The following ZNF451 variants were observed in gnomAD, a reference collection of about 807,000 sequenced individuals.
ZNF451 encodes E3 SUMO-protein ligase ZNF451.
In ZNF451, 80 loss-of-function variants were observed where a neutral mutation model predicts 107.1. That is an observed-to-expected ratio of 0.75 (90% CI 0.62 to 0.90). The LOEUF (loss-of-function observed/expected upper bound fraction) is 0.90. Ranked by LOEUF, ZNF451 falls within the 40% of genes least tolerant of loss-of-function variation. The pLI, the probability that ZNF451 is intolerant of heterozygous loss-of-function variation, is 0.00. For missense variants in ZNF451, 1,107 were observed against 1,236.2 expected (o/e 0.90, Z 1.57); for synonymous variants, 362 against 406.5 (o/e 0.89, Z 1.32).
intron 9 of ZNF451, among the ~76,000 whole-genome samples, chr6:57,145,435 C>T (rs1161987020): frequency 6.6e-6 from 1 of 152,070 alleles, no homozygotes; most frequent in Non-Finnish European, 1.5e-5. Flanking sequence ...GGTTATTTTC[C>T]AACCCTCACC....
At chr6:57,108,301 A>C in intron 3 of ZNF451, 1 of 985,374 alleles carries the variant, frequency 1.0e-6, no homozygotes. Context: ...TGGCTCTATC[A>C]CAGCATTTAC....
intron 3 of ZNF451, among the ~76,000 whole-genome samples, chr6:57,123,716 T>G (rs1830758489): frequency 6.6e-6 from 1 of 152,156 alleles, no homozygotes; most frequent in Admixed American, 6.5e-5. Flanking sequence ...AGTTTTGTAG[T>G]TTTCTTCATA....
At chr6:57,161,995 A>G in intron 14 of ZNF451, among the ~76,000 whole-genome samples, 1 of 152,192 alleles carries the variant, frequency 6.6e-6, no homozygotes, top group Admixed American at 6.5e-5. Context: ...TCTTGTAACC[A>G]TTCTTTACTT....
intron 14 of ZNF451, chr6:57,165,220 C>CTAA (rs1156841448): frequency 6.6e-6 from 1 of 152,160 alleles, no homozygotes; most frequent in Non-Finnish European, 1.5e-5. Flanking sequence ...GTGTGGGTCT[C>CTAA]TTTAGAGTTC....
At chr6:57,106,612 T>A (rs76062028) in intron 3 of ZNF451, 60 of 132,056 alleles carry the variant, frequency 4.5e-4, no homozygotes, top group Non-Finnish European at 8.4e-4. Flanking sequence ...GGCTGTGAAA[T>A]TTTTTTTTTT....
chr6:57,138,961 A>AT (rs1424789808), intron 7 of ZNF451, among the ~76,000 whole-genome samples: 2 of 151,476 alleles, frequency 1.3e-5, no homozygotes, highest in Non-Finnish European at 2.9e-5. Flanking sequence ...GTAGAATCAC[A>AT]TTTTGGTTCT....
At chr6:57,150,621 A>G (rs1483859199) in intron 10 of ZNF451, 98 bp from the exon 11 acceptor site, 2 of 1,255,122 alleles carry the variant, frequency 1.6e-6, no homozygotes, top group Middle Eastern at 2.1e-4. Flanking sequence ...CAAGGTTAGT[A>G]TTTTTGCATA....
At chr6:57,160,901 T>G in intron 13 of ZNF451, 183 bp from the exon 14 acceptor site, 1 of 429,990 alleles carries the variant, frequency 2.3e-6, no homozygotes, top group Non-Finnish European at 4.2e-6. Context: ...ACAGGAGAAT[T>G]TAATGTCACC....
intron 9 of ZNF451, among the ~76,000 whole-genome samples, chr6:57,143,136 A>G (rs968772545): frequency 4.6e-5 from 7 of 152,092 alleles, no homozygotes; most frequent in African/African-American, 1.4e-4. Context: ...ATTTATGAGT[A>G]TATTTTCCTG....
intron 3 of ZNF451, among the ~76,000 whole-genome samples, chr6:57,099,766 C>T (rs1263511283): frequency 6.6e-6 from 1 of 152,124 alleles, no homozygotes; most frequent in East Asian, 1.9e-4. Flanking sequence ...TTTCATTTGT[C>T]CTTGCTTTAG....
At chr6:57,165,153 C>G (rs1763838749) in intron 14 of ZNF451, 1 of 152,124 alleles carries the variant, frequency 6.6e-6, no homozygotes, top group Non-Finnish European at 1.5e-5. Flanking sequence ...TGAGTTGTTT[C>G]TCTCTTGTTG....
In ZNF451 at chr6:57,155,818, CTTTT is replaced by C. The variant is rs528621372; in HGVS notation, c.3070+1789_3070+1792del. On this transcript the variant is annotated intron_variant, in intron 13 of 14. Transcript: ENST00000370706. ...AAATGACTCTTATGTTCTAGGTATT[CTTTT>C]TTTTTTTTTTTTTTTTTAATCACTC... is the stretch of plus-strand genomic sequence containing the variant. Among the ~76,000 whole-genome samples the C allele has an allele frequency of 9.3e-4, 100 of 107,288 alleles. 1 individual carries two copies. Among genetic ancestry groups the C allele is most frequent in the African/African-American group, 3.2e-3 (95 of 30,012 alleles). 70.4% of individuals were successfully genotyped at this position (107,288 alleles called of 152,430 possible). A position where few individuals can be genotyped will look rare whatever the true frequency, so the allele number is the denominator to read the frequency against.
intron 3 of ZNF451, chr6:57,105,821 T>C (rs771823792): frequency 3.0e-6 from 3 of 985,262 alleles, no homozygotes; most frequent in Non-Finnish European, 3.6e-6. Context: ...AGCAGTAAAT[T>C]TGCTGACACT....
chr6:57,119,387 T>C (rs1407573930), intron 3 of ZNF451, among the ~76,000 whole-genome samples: 2 of 151,860 alleles, frequency 1.3e-5, no homozygotes, highest in Admixed American at 6.6e-5. Context: ...ATTAGGTGGG[T>C]GGTGGCACGC....
chr6:57,104,915 G>A (rs1194844868), intron 3 of ZNF451: 23 of 985,262 alleles, frequency 2.3e-5, no homozygotes, highest in African/African-American at 3.5e-5. Context: ...CCGTTTAATA[G>A]GGATGGGGAC....
intron 4 of ZNF451, among the ~76,000 whole-genome samples, chr6:57,128,365 T>C (rs1001133885): frequency 6.6e-6 from 1 of 152,202 alleles, no homozygotes; most frequent in Non-Finnish European, 1.5e-5. Flanking sequence ...TCTTTGTTTA[T>C]ATTTTGCCTC....
chr6:57,095,158 A>G (rs75567326), intron 2 of ZNF451, among the ~76,000 whole-genome samples: 1,925 of 152,216 alleles, frequency 0.013, 46 homozygotes, highest in African/African-American at 0.044. Flanking sequence ...CCTTTGGGGT[A>G]CATGTCTGTC....
intron 3 of ZNF451, chr6:57,107,988 G>A (rs1179813367): frequency 8.3e-6 from 4 of 481,036 alleles, no homozygotes; most frequent in African/African-American, 2.1e-5. Context: ...ACAGGCGCCC[G>A]CCACCACACC....
intron 3 of ZNF451, chr6:57,104,639 C>T: frequency 1.0e-6 from 1 of 985,050 alleles, no homozygotes; most frequent in Non-Finnish European, 1.2e-6. Context: ...TAAAGCTGAG[C>T]ACCTTAACCA....
Sources: allele counts gnomAD v4.1 joint callset (sites outside exome capture counted in the v4.1 genomes callset), GRCh38; gene constraint gnomAD v4.1.1; transcripts MANE v1.5; gene names NCBI Gene and HGNC (gene_info 2026-07-23, HGNC 2026-07-21).